Variants in SCN10A observed in about 807,000 individuals in gnomAD.
SCN10A encodes sodium voltage-gated channel alpha subunit 10, also known as sodium channel protein type 10 subunit alpha.
SCN10A carries 162 observed loss-of-function variants against 170.7 expected under a neutral mutation model. That is an observed-to-expected ratio of 0.95 (90% CI 0.84 to 1.08). SCN10A has a LOEUF of 1.08. SCN10A is among the 50% of genes least tolerant of loss of function. The pLI is 0.00. For synonymous variants in SCN10A, 985 were observed against 904.6 expected (o/e 1.09, Z -1.59); for missense variants, 2,527 against 2,436.9 (o/e 1.04, Z -0.78).
At position 38,707,694 on chromosome 3, in the gene SCN10A, T is replaced by C. The variant is rs923169649; in HGVS notation, c.4282-311A>G. 8.5e-5 allele frequency among the ~76,000 whole-genome samples: 13 copies of C among 152,324 alleles called. No individual in the cohort carries two copies. In the South Asian group the frequency reaches 1.7e-3, roughly 19 times the overall value. ...AGGAGAAGGTACATGTTGGTTCAAATCTGAGCCTTGGATCTAGCCTGTTCA... is the reference window on the plus strand; with the variant it reads ...AGGAGAAGGTACATGTTGGTTCAAACCTGAGCCTTGGATCTAGCCTGTTCA... On this transcript the variant is annotated intron_variant, in intron 25 of 27. Coordinates refer to ENST00000449082, the MANE Select transcript of SCN10A (RefSeq NM_006514.4).
chr3:38,795,579 T>C (rs1294231682), intron 1 of SCN10A, among the ~76,000 whole-genome samples: 1 of 152,052 alleles, frequency 6.6e-6, no homozygotes, highest in African/African-American at 2.4e-5. Context: ...ATCTTGATGG[T>C]CCTATTGGCT....
At chr3:38,730,875 T>C (rs551987834) in intron 15 of SCN10A, among the ~76,000 whole-genome samples, 8 of 152,140 alleles carry the variant, frequency 5.3e-5, no homozygotes, top group African/African-American at 1.9e-4. Context: ...ACATAGAGGA[T>C]AGAATGAGAG....
chr3:38,758,770 C>T (rs917494369), intron 8 of SCN10A, among the ~76,000 whole-genome samples: 3 of 152,178 alleles, frequency 2.0e-5, no homozygotes, highest in Admixed American at 6.5e-5. Flanking sequence ...TCCACTCCCC[C>T]ACTGCCTGGC....
chr3:38,786,806 C>CCTTTT (rs2064210390), intron 4 of SCN10A, among the ~76,000 whole-genome samples: 1 of 152,056 alleles, frequency 6.6e-6, no homozygotes, highest in African/African-American at 2.4e-5. Flanking sequence ...TGGGGTGCCA[C>CCTTTT]CTTTTCACAC....
At position 38,702,165 on chromosome 3, in the gene SCN10A, TC is replaced by T; in HGVS notation, c.4387-57del. On this transcript the variant is annotated intron_variant, in intron 26 of 27. Coordinates refer to ENST00000449082, the MANE Select transcript of SCN10A (RefSeq NM_006514.4). ...CCTTTGGGCCAGCACAAACCAGGCA[TC>T]TGTGTTATCTGTAGATGAGTTTTGT... 4.0e-6 allele frequency: 6 copies of T among 1,500,000 alleles called. No individual in the cohort carries two copies. In the South Asian group the frequency reaches 8.2e-5, roughly 21 times the overall value. 92.9% of individuals were successfully genotyped at this position (1,500,000 alleles called of 1,614,324 possible).
intron 15 of SCN10A, among the ~76,000 whole-genome samples, chr3:38,733,866 A>G (rs2063534357): frequency 6.6e-6 from 1 of 151,636 alleles, no homozygotes; most frequent in Non-Finnish European, 1.5e-5. Flanking sequence ...GATTAAAAGT[A>G]TGCACCATCA....
chr3:38,714,320 C>T (rs1441651979), intron 21 of SCN10A, among the ~76,000 whole-genome samples: 1 of 152,222 alleles, frequency 6.6e-6, no homozygotes, highest in Non-Finnish European at 1.5e-5. Flanking sequence ...CAGTCTCTAA[C>T]ATCACCAACC....
chr3:38,798,476 T>C (rs1324155612), intron 1 of SCN10A, among the ~76,000 whole-genome samples: 1 of 152,178 alleles, frequency 6.6e-6, no homozygotes, highest in Non-Finnish European at 1.5e-5. Context: ...ATCCCTATTT[T>C]AGAGTCTAGT....
intron 4 of SCN10A, 124 bp downstream of exon 4, chr3:38,788,832 G>GA: frequency 1.5e-6 from 1 of 662,182 alleles, no homozygotes; most frequent in East Asian, 2.7e-5. Context: ...AAGACATATA[G>GA]ACAATGAGAT....
At chr3:38,710,954 T>C in intron 23 of SCN10A, 57 bp from the exon 24 acceptor site, 1 of 1,468,098 alleles carries the variant, frequency 6.8e-7, no homozygotes, top group Non-Finnish European at 9.5e-7. Context: ...TACTGGACCC[T>C]TCCCAAGCCA....
intron 13 of SCN10A, among the ~76,000 whole-genome samples, chr3:38,747,929 T>A (rs1301279115): frequency 1.3e-5 from 2 of 152,186 alleles, no homozygotes; most frequent in Non-Finnish European, 2.9e-5. Context: ...TCATCTTTCA[T>A]GTCCCCTTCC....
At chr3:38,734,751 A>C (rs1022349527) in intron 15 of SCN10A, among the ~76,000 whole-genome samples, 1 of 152,228 alleles carries the variant, frequency 6.6e-6, no homozygotes, top group Non-Finnish European at 1.5e-5. Context: ...TATTGAAAGG[A>C]TTCTTTTTGG....
intron 1 of SCN10A, among the ~76,000 whole-genome samples, chr3:38,810,010 A>G (rs556844513): frequency 5.3e-4 from 80 of 152,110 alleles, no homozygotes; most frequent in African/African-American, 1.9e-3. Context: ...TACACATTGC[A>G]CTCTGGGCTT....
chr3:38,710,718 A>G, intron 24 of SCN10A, 126 bp downstream of exon 24: 1 of 830,770 alleles, frequency 1.2e-6, no homozygotes, highest in Non-Finnish European at 2.0e-6. Context: ...AAGGAGGGAC[A>G]GTGTGAGGTT....
intron 4 of SCN10A, among the ~76,000 whole-genome samples, chr3:38,783,478 CT>C (rs1236494757): frequency 6.6e-6 from 1 of 151,930 alleles, no homozygotes; most frequent in Non-Finnish European, 1.5e-5. Context: ...TTGCATTTGG[CT>C]TTTTTTGTTC....
chr3:38,717,031 C>A (rs76846477), intron 21 of SCN10A, among the ~76,000 whole-genome samples: 4 of 151,896 alleles, frequency 2.6e-5, no homozygotes, highest in Admixed American at 1.3e-4. Context: ...ATGGAAGATG[C>A]GTGAATGAGT....
At chr3:38,771,629 G>T (rs933820335) in intron 4 of SCN10A, among the ~76,000 whole-genome samples, 1 of 152,242 alleles carries the variant, frequency 6.6e-6, no homozygotes, top group Non-Finnish European at 1.5e-5. Flanking sequence ...GGAGGGATGT[G>T]TGTGGCTGGG....
chr3:38,715,756 C>T (rs1215708971), intron 21 of SCN10A, among the ~76,000 whole-genome samples: 1 of 152,200 alleles, frequency 6.6e-6, no homozygotes, highest in Non-Finnish European at 1.5e-5. Context: ...CCCAGCAGTG[C>T]TCAACACATT....
chr3:38,746,100 T>TATATATCTAG (rs71085336), intron 13 of SCN10A, among the ~76,000 whole-genome samples: 1,400 of 99,728 alleles, frequency 0.014, 115 homozygotes, highest in East Asian at 0.043. Context: ...TATATATATA[T>TATATATCTAG]GCCATCTTTG....
Sources: gnomAD v4.1 joint callset for allele counts (sites outside exome capture counted in the v4.1 genomes callset) on GRCh38, gnomAD v4.1.1 for gene constraint, MANE v1.5 for transcripts, NCBI Gene and HGNC (gene_info 2026-07-23, HGNC 2026-07-21) for gene names.